MEGF11: variants seen among roughly 807,000 people sequenced by gnomAD.
The protein encoded by MEGF11 is multiple EGF like domains 11.
A neutral mutation model predicts 146.6 loss-of-function variants in MEGF11; 126 were observed. The observed-to-expected ratio is 0.86, with a 90% CI of 0.74 to 1.00. MEGF11 has a LOEUF of 1.00. Ranked by LOEUF, MEGF11 falls within the 50% of genes least tolerant of loss-of-function variation. MEGF11 has a pLI of 0.00. For synonymous variants in MEGF11, 532 were observed against 583.4 expected, an observed-to-expected ratio of 0.91 and a Z score of 1.27; for missense variants, 1,509 against 1,521.2, an observed-to-expected ratio of 0.99 and a Z score of 0.13.
chr15:65,940,980 G>A (rs1182082988), intron 10 of MEGF11, among the ~76,000 whole-genome samples: 1 of 152,182 alleles, frequency 6.6e-6, no homozygotes, highest in Admixed American at 6.5e-5. Flanking sequence ...CAGTTTTCTG[G>A]CAGATGTCAG....
Position 65,916,129 on chromosome 15 carries a change from AG to A in MEGF11, c.2344+18del, listed in dbSNP as rs775300026. On this transcript the variant is annotated intron_variant, in intron 18 of 25. Coordinates refer to ENST00000395614, the MANE Select transcript of MEGF11 (RefSeq NM_001385028.1). ...GGGCCCAGCAGCATCACCCAGGATC[AG>A]GGGTCAGGGCAGCTTACTCTGCTCA... is the stretch of plus-strand genomic sequence containing the variant. 20 of 1,571,000 alleles carry A rather than the reference AG, an allele frequency of 1.3e-5. No individual in the cohort carries two copies. The highest frequency in any genetic ancestry group is 1.6e-5 in the Non-Finnish European group (19 of 1,154,296).
intron 1 of MEGF11, among the ~76,000 whole-genome samples, chr15:66,134,644 G>A (rs2088809241): frequency 6.6e-6 from 1 of 152,232 alleles, no homozygotes; most frequent in South Asian, 2.1e-4. Flanking sequence ...ATGGGGATTT[G>A]TCCCCATTCC....
At chr15:66,088,079 C>T (rs1233488166) in intron 5 of MEGF11, among the ~76,000 whole-genome samples, 2 of 152,092 alleles carry the variant, frequency 1.3e-5, no homozygotes, top group South Asian at 2.1e-4. Context: ...AACCTAGAAG[C>T]GACGGATAAA....
intron 5 of MEGF11, among the ~76,000 whole-genome samples, chr15:66,056,814 G>T (rs549608858): frequency 1.3e-5 from 2 of 152,034 alleles, no homozygotes; most frequent in Non-Finnish European, 2.9e-5. Flanking sequence ...TGACAGCGTC[G>T]GATTCATCAC....
In MEGF11 at chr15:66,189,849, C is replaced by T. The variant is rs78842996; in HGVS notation, c.-8-61438G>A. Among the ~76,000 whole-genome samples the T allele has an allele frequency of 2.1e-3, 318 of 152,006 alleles. 7 individuals are homozygous for T. The East Asian group carries it at 0.053, about 25-fold the overall frequency. On this transcript the variant is annotated intron_variant, in intron 1 of 25. Transcript: ENST00000395614. ...GGGAAAGATGAGGGGCATTAAATCC[C>T]ACTCGAAAGCAATCGTATTCTTCTC...
chr15:65,955,397 T>A (rs973302082), intron 10 of MEGF11, among the ~76,000 whole-genome samples: 2 of 132,192 alleles, frequency 1.5e-5, no homozygotes, highest in Non-Finnish European at 3.3e-5. Context: ...GGATTGTAAC[T>A]GTTTTTTTTT....
At chr15:66,253,160 G>A (rs2140279458) in intron 1 of MEGF11, among the ~76,000 whole-genome samples, 1 of 152,314 alleles carries the variant, frequency 6.6e-6, no homozygotes, top group African/African-American at 2.4e-5. Flanking sequence ...ACCCCGGCGG[G>A]GAAGGCGCCG....
At chr15:65,959,031 G>A (rs512385) in intron 9 of MEGF11, among the ~76,000 whole-genome samples, 143,059 of 152,296 alleles carry the variant, frequency 0.94, 67,836 homozygotes, top group East Asian at 1. Flanking sequence ...TGGACCATTG[G>A]TGGATCCCCA....
intron 2 of MEGF11, among the ~76,000 whole-genome samples, chr15:66,127,875 G>A (rs1378192168): frequency 6.6e-6 from 1 of 152,158 alleles, no homozygotes; most frequent in South Asian, 2.1e-4. Flanking sequence ...AGGCTGCTGG[G>A]GCCACACATC....
intron 8 of MEGF11, chr15:65,965,411 G>A: frequency 2.7e-6 from 1 of 373,116 alleles, no homozygotes; most frequent in African/African-American, 2.1e-5. Context: ...TTAAAGTTGT[G>A]GTGAAATATA....
Position 65,898,077 on chromosome 15 carries a change from C to T in MEGF11, c.3280G>A (p.Val1094Ile), listed in dbSNP as rs2078394475. The change falls in exon 26 of 26, where the codon GTC (valine) becomes ATC (isoleucine). Residue 1094 changes from valine (V) to isoleucine (I), a missense_variant. Physicochemically the swap from Val to Ile is conservative, Grantham distance 29. Coordinates refer to ENST00000395614, the MANE Select transcript of MEGF11 (RefSeq NM_001385028.1). ...IYEVEPTVSV[V>I]QEGCGHNSSY... Reference sequence around the variant, plus strand: ...GAGTTATGACCGCAACCTTCTTGGACCACACTGACTGTGGGCTCTAAGAAA... The same window carrying T: ...GAGTTATGACCGCAACCTTCTTGGATCACACTGACTGTGGGCTCTAAGAAA... The T allele has an allele frequency of 6.2e-7, 1 of 1,613,436 alleles. No homozygotes were observed. Among genetic ancestry groups the T allele is most frequent in the Non-Finnish European group, 8.5e-7 (1 of 1,179,678 alleles).
intron 1 of MEGF11, among the ~76,000 whole-genome samples, chr15:66,208,127 T>C (rs187019118): frequency 3.4e-4 from 52 of 151,828 alleles, no homozygotes; most frequent in Non-Finnish European, 5.6e-4. Context: ...ACTGGAACTA[T>C]ATAGGAACAA....
chr15:66,054,692 G>A (rs2084608891), intron 5 of MEGF11, among the ~76,000 whole-genome samples: 1 of 152,158 alleles, frequency 6.6e-6, no homozygotes, highest in South Asian at 2.1e-4. Flanking sequence ...ATGGAATTAG[G>A]GCCTTACTCT....
intron 5 of MEGF11, among the ~76,000 whole-genome samples, chr15:66,050,367 C>T (rs962613232): frequency 2.0e-5 from 3 of 151,856 alleles, no homozygotes; most frequent in Admixed American, 6.6e-5. Flanking sequence ...ACTTTTAACA[C>T]AGTGTCAGGA....
chr15:65,978,065 A>AGG (rs1427085865), intron 7 of MEGF11, among the ~76,000 whole-genome samples: 1 of 152,270 alleles, frequency 6.6e-6, no homozygotes, highest in Non-Finnish European at 1.5e-5. Flanking sequence ...ATCTCTGAGG[A>AGG]GGGGCCTGGA....
intron 5 of MEGF11, among the ~76,000 whole-genome samples, chr15:66,020,958 C>T (rs1022088272): frequency 2.2e-5 from 3 of 138,864 alleles, no homozygotes; most frequent in African/African-American, 8.3e-5. Context: ...CGCCATTGCA[C>T]TCCAGCCTGG....
At chr15:66,100,422 C>T (rs183396919) in intron 4 of MEGF11, among the ~76,000 whole-genome samples, 31 of 152,298 alleles carry the variant, frequency 2.0e-4, no homozygotes, top group Admixed American at 1.8e-3. Context: ...TCAATTCCCA[C>T]AGGCCAGGGT....
chr15:65,942,308 T>C (rs2080022259), intron 10 of MEGF11, among the ~76,000 whole-genome samples: 1 of 152,164 alleles, frequency 6.6e-6, no homozygotes, highest in South Asian at 2.1e-4. Context: ...CATTTGTTGT[T>C]AAATATGTGT....
At chr15:66,154,210 A>C (rs1342166702) in intron 1 of MEGF11, among the ~76,000 whole-genome samples, 1 of 152,224 alleles carries the variant, frequency 6.6e-6, no homozygotes, top group Non-Finnish European at 1.5e-5. Context: ...TACCCGAAAC[A>C]ACAACATCAT....
Sources: allele counts gnomAD v4.1 joint callset (sites outside exome capture counted in the v4.1 genomes callset), GRCh38; gene constraint gnomAD v4.1.1; transcripts MANE v1.5; gene names NCBI Gene and HGNC (gene_info 2026-07-23, HGNC 2026-07-21).